The following CFAP52 variants were observed in gnomAD, a reference collection of about 807,000 sequenced individuals.
CFAP52 encodes the protein cilia and flagella associated protein 52.
A neutral mutation model predicts 70.5 loss-of-function variants in CFAP52; 57 were observed. The observed-to-expected ratio is 0.81, with a 90% CI of 0.65 to 1.01. CFAP52 has a LOEUF of 1.01. Among genes scored for constraint, CFAP52 ranks in the 50% least tolerant of loss-of-function variants. The probability of loss-of-function intolerance (pLI) is 0.00; values close to 1 mark genes in which losing one functional copy is unlikely to be tolerated. For synonymous variants in CFAP52, 267 were observed against 292.5 expected (o/e 0.91, Z 0.89); for missense variants, 785 against 788.5 (o/e 1.00, Z 0.05).
At position 9,585,941 on chromosome 17, in the gene CFAP52, C is replaced by T; in HGVS notation, c.239C>T (p.Ala80Val). 1 of 1,613,724 alleles carries T rather than the reference C, an allele frequency of 6.2e-7. No homozygotes were observed. ...LAISRSGEYIASGQVTFMGFK... is the reference protein window; with the variant it reads ...LAISRSGEYIVSGQVTFMGFK... ...ATCTCCAGGTCTGGAGAGTACATCGCCTCCGGACAAGTCACATTCATGGGG... is the reference window on the plus strand; with the variant it reads ...ATCTCCAGGTCTGGAGAGTACATCGTCTCCGGACAAGTCACATTCATGGGG... Residue 80 changes from alanine (A) to valine (V), a missense_variant, in exon 2 of 14, where the codon GCC becomes GTC. Physicochemically the swap from Ala to Val is moderately conservative, Grantham distance 64 (BLOSUM62 0). Transcript: ENST00000352665.
chr17:9,636,173 TCAAAA>T (rs1161610756), intron 11 of CFAP52, among the ~76,000 whole-genome samples: 3 of 88,000 alleles, frequency 3.4e-5, no homozygotes, highest in Non-Finnish European at 6.9e-5. Flanking sequence ...AAACTCTGTC[TCAAAA>T]AAAAGAAAGA....
intron 2 of CFAP52, among the ~76,000 whole-genome samples, chr17:9,586,258 G>A (rs11656351): frequency 0.025 from 3,816 of 152,090 alleles, 48 homozygotes; most frequent in African/African-American, 0.04. Flanking sequence ...AACCTGATCC[G>A]ATTTCTAGAA....
chr17:9,632,897 A>T lies in CFAP52; in HGVS notation c.1184A>T (p.Asp395Val), dbSNP rs1159959676. The stretch of plus-strand genomic sequence containing the variant: ...TTCCCTTTCATGCCAGCATGGAACG[A>T]CGGTAAAATCCGAGCCTTCGCCCCA... Reference protein sequence around the residue: ...DGKSIISAWNDGKIRAFAPET... With the variant: ...DGKSIISAWNVGKIRAFAPET... Residue 395 changes from aspartate (D) to valine (V), a missense_variant, in exon 10 of 14, where the codon GAC (aspartate) becomes GTC (valine). Coordinates refer to ENST00000352665, the MANE Select transcript of CFAP52 (RefSeq NM_145054.5). 1 of 1,613,990 alleles carries T rather than the reference A, an allele frequency of 6.2e-7. No individual in the cohort carries two copies. Among genetic ancestry groups the T allele is most frequent in the African/African-American group, 1.3e-5 (1 of 74,940 alleles).
At chr17:9,577,580 A>G (rs1023282337) in intron 1 of CFAP52, among the ~76,000 whole-genome samples, 1 of 152,252 alleles carries the variant, frequency 6.6e-6, no homozygotes, top group Non-Finnish European at 1.5e-5. Flanking sequence ...ATGTGGATGC[A>G]GAACAATCAC....
chr17:9,596,882 A>AT, intron 4 of CFAP52, among the ~76,000 whole-genome samples: 1 of 151,924 alleles, frequency 6.6e-6, no homozygotes, highest in African/African-American at 2.4e-5. Context: ...CGCCTGGCTA[A>AT]TTTTTTATAT....
At chr17:9,631,214 C>T (rs1293897676) in intron 9 of CFAP52, among the ~76,000 whole-genome samples, 2 of 151,976 alleles carry the variant, frequency 1.3e-5, no homozygotes, top group African/African-American at 4.8e-5. Flanking sequence ...GAATTTCTGT[C>T]CTCCTTTACC....
chr17:9,644,710 G>A (rs1334074521), downstream of CFAP52: 1 of 152,108 alleles, frequency 6.6e-6, no homozygotes, highest in East Asian at 1.9e-4. Flanking sequence ...ACCGCGTAGG[G>A]GGCGCGCCTG....
At chr17:9,589,801 C>CTTTTTTTTTTTTTTTT (rs3060109) in intron 3 of CFAP52, 1 of 93,184 alleles carries the variant, frequency 1.1e-5, no homozygotes, top group Non-Finnish European at 1.9e-5. Context: ...CTTAGCTCAA[C>CTTTTTTTTTTTTTTTT]TTTTTTTTTT....
intron 6 of CFAP52, among the ~76,000 whole-genome samples, chr17:9,606,384 T>TAC (rs34567855): frequency 4.7e-5 from 7 of 150,390 alleles, no homozygotes; most frequent in African/African-American, 1.5e-4. Context: ...GTCTCCAAAA[T>TAC]ACACACACAC....
At chr17:9,612,933 A>G (rs1236352984) in intron 8 of CFAP52, among the ~76,000 whole-genome samples, 6 of 152,146 alleles carry the variant, frequency 3.9e-5, no homozygotes, top group African/African-American at 1.4e-4. Flanking sequence ...TCGACACTTT[A>G]TTATAAAATA....
intron 1 of CFAP52, among the ~76,000 whole-genome samples, chr17:9,585,069 C>T (rs913674551): frequency 2.0e-5 from 3 of 152,118 alleles, no homozygotes; most frequent in Non-Finnish European, 4.4e-5. Flanking sequence ...TAGTTGACTC[C>T]CATTCTCCCT....
At position 9,628,771 on chromosome 17, in the gene CFAP52, G is replaced by T. The variant is rs904633446; in HGVS notation, c.1125G>T (p.Met375Ile). Residue 375 changes from methionine (M) to isoleucine (I), a missense_variant, in exon 9 of 14, where the codon ATG (methionine) becomes ATT (isoleucine). Met to Ile is a conservative substitution (Grantham distance 10). Coordinates refer to ENST00000352665, the MANE Select transcript of CFAP52 (RefSeq NM_145054.5). ...TGCTGCGGATCACCGTGCCCAACAT[G>T]ACCTGCCACGGCATCGACTTCATGA... ...RELLRITVPN[M>I]TCHGIDFMRD... The T allele has an allele frequency of 3.7e-6, 6 of 1,614,096 alleles. No individual in the cohort carries two copies. The Admixed American group carries it at 1.0e-4, about 27-fold the overall frequency.
At chr17:9,583,123 T>C (rs551550510) in intron 1 of CFAP52, among the ~76,000 whole-genome samples, 2 of 152,304 alleles carry the variant, frequency 1.3e-5, no homozygotes, top group Admixed American at 1.3e-4. Flanking sequence ...TGAATCTAAG[T>C]TTAATTTTTC....
chr17:9,585,684 C>T, intron 1 of CFAP52, 89 bp from the exon 2 acceptor site: 1 of 1,297,392 alleles, frequency 7.7e-7, no homozygotes, highest in South Asian at 1.3e-5. Flanking sequence ...CACACACACA[C>T]ACACAAAGTG....
chr17:9,641,974 C>A, intron 13 of CFAP52, 139 bp downstream of exon 13: 1 of 609,500 alleles, frequency 1.6e-6, no homozygotes, highest in Non-Finnish European at 2.9e-6. Flanking sequence ...CCAACCAATA[C>A]TGCAGCCAAT....
intron 3 of CFAP52, 137 bp from the exon 4 acceptor site, chr17:9,594,056 G>T (rs1908884945): frequency 3.2e-6 from 4 of 1,254,984 alleles, no homozygotes; most frequent in Admixed American, 2.9e-5. Context: ...GATGTCAGGG[G>T]TGGGGTAATT....
Position 9,596,720 on chromosome 17 carries a change from G to GT in CFAP52, c.537-1513dup, listed in dbSNP as rs200456785. 1.6e-3 allele frequency among the ~76,000 whole-genome samples: 241 copies of GT among 149,618 alleles called. 2 individuals carry two copies. Among genetic ancestry groups the GT allele is most frequent in the African/African-American group, 5.1e-3 (206 of 40,656 alleles). On this transcript the variant is annotated intron_variant, in intron 4 of 13. Coordinates refer to ENST00000352665, the MANE Select transcript of CFAP52 (RefSeq NM_145054.5). Reference sequence around the variant, plus strand: ...CCTCATGGTTGTTGTGTGTGTGTGTGTGTTTTTTTTTTGAGATGGAGTTTT... The same window carrying GT: ...CCTCATGGTTGTTGTGTGTGTGTGTGTTGTTTTTTTTTTGAGATGGAGTTTT...
rs1199044452 is a variant in CFAP52, at chr17:9,608,198, G to A, written c.833G>A (p.Ser278Asn). Residue 278 changes from serine (S) to asparagine (N), a missense_variant, in exon 7 of 14, where the codon AGC (serine) becomes AAC (asparagine). Transcript: ENST00000352665. ...GCCGGACTGCTGGTCTTCTGTAAAA[G>A]CCCTGGCTACAAACCCATCAAGTAA... is the stretch of plus-strand genomic sequence containing the variant. ...SGAGLLVFCK[S>N]PGYKPIKKIQ... 1.9e-6 allele frequency: 3 copies of A among 1,610,772 alleles called. No individual in the cohort carries two copies. The highest frequency in any genetic ancestry group is 2.2e-5 in the South Asian group (2 of 90,582).
intron 8 of CFAP52, among the ~76,000 whole-genome samples, chr17:9,614,457 C>G (rs965690821): frequency 6.6e-6 from 1 of 152,136 alleles, no homozygotes; most frequent in African/African-American, 2.4e-5. Flanking sequence ...CGCCTGGCCT[C>G]TCAAAATATT....
Sources: allele counts gnomAD v4.1 joint callset (sites outside exome capture counted in the v4.1 genomes callset), GRCh38; gene constraint gnomAD v4.1.1; transcripts MANE v1.5; gene names NCBI Gene and HGNC (gene_info 2026-07-23, HGNC 2026-07-21).